Variants in CDH12 observed in about 807,000 individuals in gnomAD.
CDH12 encodes the protein cadherin-12.
Under a neutral mutation model 74.1 loss-of-function variants are expected in CDH12, and 41 were observed. That is an observed-to-expected ratio of 0.55 (90% CI 0.43 to 0.72). CDH12 has a LOEUF of 0.72. CDH12 is among the 30% of genes least tolerant of loss of function. The probability of loss-of-function intolerance (pLI) is 0.00; values close to 1 mark genes in which losing one functional copy is unlikely to be tolerated. For missense variants in CDH12, 945 were observed against 977.2 expected (o/e 0.97, Z 0.44); for synonymous variants, 399 against 355.0 (o/e 1.12, Z -1.39).
intron 2 of CDH12, among the ~76,000 whole-genome samples, chr5:22,425,887 A>G (rs1286802291): frequency 1.3e-5 from 2 of 152,128 alleles, no homozygotes; most frequent in African/African-American, 2.4e-5. Context: ...GTCAACACAA[A>G]CATTCTAGAA....
intron 2 of CDH12, among the ~76,000 whole-genome samples, chr5:22,480,453 G>A (rs1746342697): frequency 6.6e-6 from 1 of 151,680 alleles, no homozygotes; most frequent in African/African-American, 2.4e-5. Flanking sequence ...ACATGGTGGT[G>A]CATGCCTGTG....
At chr5:21,872,236 G>A (rs1169775840) in intron 6 of CDH12, among the ~76,000 whole-genome samples, 1 of 152,118 alleles carries the variant, frequency 6.6e-6, no homozygotes, top group Non-Finnish European at 1.5e-5. Flanking sequence ...TCAGTCCAAG[G>A]CCCCAGAAGC....
chr5:22,242,906 G>C (rs1320285562), intron 3 of CDH12, among the ~76,000 whole-genome samples: 1 of 151,386 alleles, frequency 6.6e-6, no homozygotes, highest in South Asian at 2.1e-4. Flanking sequence ...GTTTTGTTTC[G>C]TGTTGTAGAT....
At chr5:22,012,517 G>A (rs895179907) in intron 5 of CDH12, among the ~76,000 whole-genome samples, 2 of 152,096 alleles carry the variant, frequency 1.3e-5, no homozygotes, top group African/African-American at 4.8e-5. Context: ...TTGACAGTGA[G>A]TTACAGGTGA....
intron 1 of CDH12, among the ~76,000 whole-genome samples, chr5:22,664,775 T>C (rs1236274372): frequency 6.6e-6 from 1 of 152,112 alleles, no homozygotes. Flanking sequence ...TTGTCCAAGG[T>C]TATAGACGTA....
intron 2 of CDH12, among the ~76,000 whole-genome samples, chr5:22,434,858 C>T (rs1308310542): frequency 1.3e-5 from 2 of 152,170 alleles, no homozygotes; most frequent in Admixed American, 6.5e-5. Context: ...TAGCCTCAGC[C>T]TCTTTCCTTC....
chr5:22,379,432 G>T (rs758391276), intron 3 of CDH12, among the ~76,000 whole-genome samples: 2 of 152,076 alleles, frequency 1.3e-5, no homozygotes, highest in Admixed American at 6.6e-5. Flanking sequence ...CCCAAGTCAC[G>T]TTCCAAGTTA....
intron 4 of CDH12, among the ~76,000 whole-genome samples, chr5:22,128,041 A>G (rs1018513640): frequency 3.9e-5 from 6 of 152,006 alleles, no homozygotes; most frequent in African/African-American, 1.4e-4. Flanking sequence ...ACTGTTCATT[A>G]CACTTAGTTT....
At chr5:22,502,802 T>C (rs1160505260) in intron 2 of CDH12, among the ~76,000 whole-genome samples, 1 of 152,108 alleles carries the variant, frequency 6.6e-6, no homozygotes, top group Non-Finnish European at 1.5e-5. Context: ...TTAAAGTTTC[T>C]TCATCATCTA....
At chr5:22,546,923 T>C (rs187698683) in intron 1 of CDH12, among the ~76,000 whole-genome samples, 2 of 152,312 alleles carry the variant, frequency 1.3e-5, no homozygotes, top group Admixed American at 1.3e-4. Context: ...AATAAACTAA[T>C]CTATTTGGTA....
chr5:22,744,880 C>T (rs7730853), intron 1 of CDH12, among the ~76,000 whole-genome samples: 75,750 of 151,726 alleles, frequency 0.5, 18,913 homozygotes, highest in East Asian at 0.56. Context: ...TTTCTGCAAC[C>T]TCGTCTGTAA....
chr5:22,143,368 C>A lies in CDH12; in HGVS notation c.-186-64506G>T, dbSNP rs866311667. ...ACTATAATACAAATGTATAATATTC[C>A]TTTTTTTTTTTTTTTTTTTGAGATG... On this transcript the variant is annotated intron_variant, in intron 4 of 14. Transcript: ENST00000382254. 9.7e-5 allele frequency: 10 copies of A among 102,568 alleles called. No individual in the cohort carries two copies. The East Asian group carries it at 2.4e-3, about 24-fold the overall frequency. The allele number at this position is 102,568 out of a possible 1,614,324, so 6.4% of individuals were successfully genotyped here.
chr5:22,308,038 G>A (rs757315669), intron 3 of CDH12, among the ~76,000 whole-genome samples: 3 of 151,256 alleles, frequency 2.0e-5, no homozygotes, highest in South Asian at 2.1e-4. Flanking sequence ...CCGCCACCAC[G>A]CCCGGCTAAT....
chr5:22,631,510 TATCTTA>T (rs1379774447), intron 1 of CDH12, among the ~76,000 whole-genome samples: 1 of 152,120 alleles, frequency 6.6e-6, no homozygotes, highest in Non-Finnish European at 1.5e-5. Context: ...TGGAGGCCAT[TATCTTA>T]AGTGAACCGG....
chr5:21,940,825 GTTTC>G (rs896184639), intron 6 of CDH12, among the ~76,000 whole-genome samples: 4 of 151,424 alleles, frequency 2.6e-5, no homozygotes, highest in African/African-American at 9.7e-5. Context: ...CTCTATCTCT[GTTTC>G]TTTCTCTCTG....
At chr5:21,839,440 G>A (rs2149982412) in intron 8 of CDH12, among the ~76,000 whole-genome samples, 1 of 152,096 alleles carries the variant, frequency 6.6e-6, no homozygotes, top group South Asian at 2.1e-4. Flanking sequence ...GTTTTTAAAT[G>A]TGTATACTTA....
At chr5:22,091,415 TA>T (rs1454465471) in intron 4 of CDH12, among the ~76,000 whole-genome samples, 1 of 150,920 alleles carries the variant, frequency 6.6e-6, no homozygotes, top group Non-Finnish European at 1.5e-5. Flanking sequence ...TGAATGCCAT[TA>T]AAAATGGCAC....
At chr5:22,752,799 C>T (rs1003430824) in intron 1 of CDH12, among the ~76,000 whole-genome samples, 3 of 151,432 alleles carry the variant, frequency 2.0e-5, no homozygotes, top group Admixed American at 1.3e-4. Context: ...TGGTCTCGAT[C>T]TCCTGACCTC....
intron 1 of CDH12, among the ~76,000 whole-genome samples, chr5:22,645,148 G>A (rs1404890528): frequency 6.6e-6 from 1 of 152,060 alleles, no homozygotes; most frequent in Non-Finnish European, 1.5e-5. Flanking sequence ...AGCAATAGTT[G>A]CCATAGACAG....
Sources: allele counts gnomAD v4.1 joint callset (sites outside exome capture counted in the v4.1 genomes callset), GRCh38; gene constraint gnomAD v4.1.1; transcripts MANE v1.5; gene names NCBI Gene and HGNC (gene_info 2026-07-23, HGNC 2026-07-21).